Variants in EYS observed in about 807,000 individuals in gnomAD.
The protein encoded by EYS is protein eyes shut homolog.
Under a neutral mutation model 282.1 loss-of-function variants are expected in EYS, and 250 were observed. The ratio of observed to expected loss-of-function variants is 0.89; its 90% CI spans 0.80 to 0.98. The LOEUF (loss-of-function observed/expected upper bound fraction) is 0.98, where lower values mean the gene tolerates loss of function less well. Ranked by LOEUF, EYS falls within the 50% of genes least tolerant of loss-of-function variation. The pLI is 0.00. For synonymous variants in EYS, 1,355 were observed against 1,282.9 expected (o/e 1.06, Z -1.20); for missense variants, 4,016 against 3,709.0 (o/e 1.08, Z -2.15).
intron 2 of EYS, among the ~76,000 whole-genome samples, chr6:65,541,586 A>G (rs1208106645): frequency 6.6e-6 from 1 of 152,174 alleles, no homozygotes; most frequent in Non-Finnish European, 1.5e-5. Context: ...AATTTTAAAT[A>G]TTAACTTTCC....
In EYS at chr6:65,494,654, C is replaced by T; in HGVS notation, c.748+9G>A. The T allele has an allele frequency of 6.5e-7, 1 of 1,544,310 alleles. No homozygotes were observed. The highest frequency in any genetic ancestry group is 8.8e-7 in the Non-Finnish European group (1 of 1,141,518). Reference sequence around the variant, plus strand: ...TTTTAATAAAATTATATATTTTAAACAATCTTACCTGTAAATGGTGGGTGA... The same window carrying T: ...TTTTAATAAAATTATATATTTTAAATAATCTTACCTGTAAATGGTGGGTGA... On this transcript the variant is annotated intron_variant, in intron 4 of 42. Coordinates refer to ENST00000503581, the MANE Select transcript of EYS (RefSeq NM_001142800.2).
chr6:65,465,798 A>G (rs1372582635), intron 5 of EYS, among the ~76,000 whole-genome samples: 1 of 152,100 alleles, frequency 6.6e-6, no homozygotes, highest in Non-Finnish European at 1.5e-5. Context: ...CCTGGGCAAC[A>G]TCATGACACT....
intron 30 of EYS, among the ~76,000 whole-genome samples, chr6:64,257,574 T>A (rs1227592330): frequency 6.6e-6 from 1 of 152,060 alleles, no homozygotes; most frequent in African/African-American, 2.4e-5. Flanking sequence ...ATGACTTTTG[T>A]ATCTTTTTAT....
At chr6:64,383,036 C>T (rs1772799615) in intron 29 of EYS, among the ~76,000 whole-genome samples, 1 of 152,120 alleles carries the variant, frequency 6.6e-6, no homozygotes. Flanking sequence ...GCTTGTAATC[C>T]TAGCTATTTG....
At chr6:64,788,533 G>C (rs1774089405) in intron 22 of EYS, among the ~76,000 whole-genome samples, 1 of 152,138 alleles carries the variant, frequency 6.6e-6, no homozygotes, top group African/African-American at 2.4e-5. Flanking sequence ...TTTGTTGCGT[G>C]AGACGTGGTA....
At chr6:65,247,612 C>T (rs1014993104) in intron 12 of EYS, among the ~76,000 whole-genome samples, 1 of 151,970 alleles carries the variant, frequency 6.6e-6, no homozygotes, top group Non-Finnish European at 1.5e-5. Flanking sequence ...GGGGAGAAAA[C>T]ATATTCTCTT....
intron 26 of EYS, among the ~76,000 whole-genome samples, chr6:64,460,378 C>G (rs1562007869): frequency 6.6e-6 from 1 of 152,102 alleles, no homozygotes; most frequent in Non-Finnish European, 1.5e-5. Context: ...AAACAAAATA[C>G]AAATGTTACT....
chr6:65,528,203 C>T (rs1028389320), intron 2 of EYS, among the ~76,000 whole-genome samples: 2 of 152,164 alleles, frequency 1.3e-5, no homozygotes, highest in African/African-American at 2.4e-5. Context: ...GTGGAATTCT[C>T]TCCTCACAAA....
At chr6:65,271,128 TTATATATATATATA>T (rs70999188) in intron 12 of EYS, among the ~76,000 whole-genome samples, 3 of 55,784 alleles carry the variant, frequency 5.4e-5, no homozygotes, top group South Asian at 8.0e-4. Context: ...AATCAATAGA[TTATATATATATATA>T]TATATATATA....
intron 22 of EYS, among the ~76,000 whole-genome samples, chr6:64,747,155 G>A (rs1392019606): frequency 6.6e-6 from 1 of 152,178 alleles, no homozygotes; most frequent in East Asian, 1.9e-4. Context: ...TGAAAAGCAA[G>A]TAAAACTACT....
chr6:65,463,617 A>C (rs1179398122), intron 5 of EYS, among the ~76,000 whole-genome samples: 1 of 152,200 alleles, frequency 6.6e-6, no homozygotes, highest in East Asian at 1.9e-4. Flanking sequence ...TATGCATATA[A>C]AAATAATAAT....
chr6:65,472,567 A>G (rs1765254442), intron 5 of EYS, among the ~76,000 whole-genome samples: 1 of 152,040 alleles, frequency 6.6e-6, no homozygotes, highest in African/African-American at 2.4e-5. Flanking sequence ...TTTGGAATTC[A>G]GTAAAGTATA....
intron 8 of EYS, among the ~76,000 whole-genome samples, chr6:65,382,321 C>T (rs942720270): frequency 6.8e-6 from 1 of 147,164 alleles, no homozygotes; most frequent in African/African-American, 2.5e-5. Context: ...TGTGGTTTGA[C>T]GTAGGGGATA....
At chr6:64,052,681 T>G (rs2149845237) in intron 33 of EYS, among the ~76,000 whole-genome samples, 1 of 152,292 alleles carries the variant, frequency 6.6e-6, no homozygotes, top group Non-Finnish European at 1.5e-5. Flanking sequence ...GTAATAATCC[T>G]CACGTGTTAA....
chr6:65,174,084 G>T (rs1227427485), intron 12 of EYS, among the ~76,000 whole-genome samples: 1 of 151,128 alleles, frequency 6.6e-6, no homozygotes, highest in Non-Finnish European at 1.5e-5. Context: ...AGAAAAAAAT[G>T]CTATAACAGG....
At chr6:65,475,044 T>C (rs1295165061) in intron 5 of EYS, among the ~76,000 whole-genome samples, 1 of 152,096 alleles carries the variant, frequency 6.6e-6, no homozygotes, top group African/African-American at 2.4e-5. Flanking sequence ...TTGATAAAAG[T>C]CAGATTTTTT....
chr6:65,062,621 T>C (rs897664053), intron 12 of EYS, among the ~76,000 whole-genome samples: 1 of 151,972 alleles, frequency 6.6e-6, no homozygotes, highest in African/African-American at 2.4e-5. Flanking sequence ...TTAGAACACA[T>C]AGTAATCCTT....
At chr6:63,988,720 C>T (rs982533716) in intron 34 of EYS, among the ~76,000 whole-genome samples, 1 of 151,454 alleles carries the variant, frequency 6.6e-6, no homozygotes, top group African/African-American at 2.4e-5. Context: ...GATGAAAGCA[C>T]AGAGAACAGA....
intron 33 of EYS, among the ~76,000 whole-genome samples, chr6:64,044,994 T>C (rs1220145825): frequency 3.9e-5 from 6 of 152,142 alleles, no homozygotes; most frequent in African/African-American, 1.4e-4. Context: ...ATTGAGATAA[T>C]CTTTGGCATA....
Sources: gnomAD v4.1 joint callset for allele counts (sites outside exome capture counted in the v4.1 genomes callset) on GRCh38, gnomAD v4.1.1 for gene constraint, MANE v1.5 for transcripts, NCBI Gene and HGNC (gene_info 2026-07-23, HGNC 2026-07-21) for gene names.